GLRA3: variants seen among roughly 807,000 people sequenced by gnomAD.
GLRA3 encodes glycine receptor subunit alpha-3.
Under a neutral mutation model 60.4 loss-of-function variants are expected in GLRA3, and 44 were observed. The observed-to-expected ratio is 0.73, with a 90% confidence interval of 0.57 to 0.94. The LOEUF is 0.94. Ranked by LOEUF, GLRA3 falls within the 40% of genes least tolerant of loss-of-function variation. The pLI is 0.00. For missense variants in GLRA3, 508 were observed against 564.6 expected, an observed-to-expected ratio of 0.90 and a Z score of 1.02; for synonymous variants, 223 against 192.9, an observed-to-expected ratio of 1.16 and a Z score of -1.29.
At chr4:174,648,125 T>C (rs72996776) in intron 9 of GLRA3, among the ~76,000 whole-genome samples, 5,039 of 152,256 alleles carry the variant, frequency 0.033, 282 homozygotes, top group African/African-American at 0.11. Flanking sequence ...AGGTGTAATG[T>C]CAATGACTCT....
chr4:174,808,726 T>G (rs565893235), intron 1 of GLRA3, among the ~76,000 whole-genome samples: 2 of 152,092 alleles, frequency 1.3e-5, no homozygotes, highest in Non-Finnish European at 2.9e-5. Context: ...ATAGTGATAA[T>G]CCTGATTCTC....
chr4:174,753,260 A>T (rs1269478689), intron 3 of GLRA3, among the ~76,000 whole-genome samples: 2 of 152,142 alleles, frequency 1.3e-5, no homozygotes, highest in African/African-American at 4.8e-5. Context: ...TTTTGTGGGT[A>T]ACCTGGAAGT....
intron 5 of GLRA3, among the ~76,000 whole-genome samples, chr4:174,714,675 T>C (rs920885437): frequency 1.3e-5 from 2 of 152,210 alleles, no homozygotes; most frequent in Non-Finnish European, 2.9e-5. Context: ...CCTCAAGGAA[T>C]GTGTCAAACA....
chr4:174,770,840 C>T (rs768430565), intron 2 of GLRA3, among the ~76,000 whole-genome samples: 8 of 151,854 alleles, frequency 5.3e-5, no homozygotes, highest in Non-Finnish European at 8.8e-5. Flanking sequence ...GAGGAGTAAA[C>T]TTAGTTTACT....
At chr4:174,763,216 C>A (rs1350115218) in intron 3 of GLRA3, among the ~76,000 whole-genome samples, 13 of 152,140 alleles carry the variant, frequency 8.5e-5, no homozygotes, top group Non-Finnish European at 1.8e-4. Context: ...TCTGGCAAGC[C>A]AGGCTGCAGA....
intron 3 of GLRA3, among the ~76,000 whole-genome samples, chr4:174,756,641 T>A (rs1269484495): frequency 5.1e-5 from 1 of 19,632 alleles, no homozygotes; most frequent in Non-Finnish European, 2.8e-4. Flanking sequence ...AATGCCATTC[T>A]TTTTTTTCTT....
intron 7 of GLRA3, among the ~76,000 whole-genome samples, chr4:174,666,449 T>C (rs1733665183): frequency 6.6e-6 from 1 of 152,020 alleles, no homozygotes; most frequent in African/African-American, 2.4e-5. Flanking sequence ...GTAGTAAATA[T>C]ACTAAAGTTG....
At chr4:174,684,411 G>A (rs754108854) in intron 5 of GLRA3, among the ~76,000 whole-genome samples, 1 of 152,072 alleles carries the variant, frequency 6.6e-6, no homozygotes, top group Non-Finnish European at 1.5e-5. Flanking sequence ...ATAATATCAG[G>A]GAATTCAGGA....
intron 7 of GLRA3, among the ~76,000 whole-genome samples, chr4:174,662,653 T>G (rs1480437699): frequency 6.6e-6 from 1 of 152,086 alleles, no homozygotes; most frequent in African/African-American, 2.4e-5. Flanking sequence ...GGGGGAAAGT[T>G]AGGGTGGCAG....
rs531801418 is a variant in GLRA3, at chr4:174,718,998, T to C, written c.492-3428A>G. On this transcript the variant is annotated intron_variant, in intron 4 of 9. Transcript: ENST00000274093. ...TTTTTTTTTTGAGACGGAGTCTCGC[T>C]GTCGCCCAGGCTGGAGTGCAGTGGC... Among the ~76,000 whole-genome samples, 4 of 128,834 alleles carry C rather than the reference T, an allele frequency of 3.1e-5. No homozygotes were observed. In the South Asian group the frequency reaches 7.9e-4, roughly 26 times the overall value. 84.5% of individuals were successfully genotyped at this position (128,834 alleles called of 152,430 possible). A position where few individuals can be genotyped will look rare whatever the true frequency, so the allele number is the denominator to read the frequency against.
At chr4:174,763,428 C>A (rs1738012107) in intron 3 of GLRA3, among the ~76,000 whole-genome samples, 1 of 152,198 alleles carries the variant, frequency 6.6e-6, no homozygotes, top group Non-Finnish European at 1.5e-5. Context: ...CAAAACTTTT[C>A]TCTTAACCAA....
At chr4:174,736,193 G>C (rs933841083) in intron 3 of GLRA3, among the ~76,000 whole-genome samples, 10 of 151,840 alleles carry the variant, frequency 6.6e-5, no homozygotes, top group Admixed American at 6.6e-4. Context: ...GATATAAACT[G>C]TATTCTATTT....
chr4:174,708,803 C>T (rs1735607111), intron 5 of GLRA3, among the ~76,000 whole-genome samples: 3 of 142,840 alleles, frequency 2.1e-5, no homozygotes, highest in South Asian at 2.2e-4. Context: ...TAAAAAAATC[C>T]TTCCTGGCTT....
At chr4:174,724,645 T>G (rs1736251715) in intron 4 of GLRA3, among the ~76,000 whole-genome samples, 1 of 152,160 alleles carries the variant, frequency 6.6e-6, no homozygotes, top group African/African-American at 2.4e-5. Flanking sequence ...ATTCGTATGC[T>G]TCTTCTTTTA....
chr4:174,755,267 G>T (rs1029833729), intron 3 of GLRA3, among the ~76,000 whole-genome samples: 1 of 152,104 alleles, frequency 6.6e-6, no homozygotes, highest in Non-Finnish European at 1.5e-5. Context: ...GCTACTTTAT[G>T]CTGAGCATGT....
intron 9 of GLRA3, among the ~76,000 whole-genome samples, chr4:174,651,903 G>C (rs1464756717): frequency 6.6e-6 from 1 of 152,090 alleles, no homozygotes; most frequent in East Asian, 1.9e-4. Flanking sequence ...TTCAGAAACA[G>C]GATCTCAACT....
At chr4:174,792,812 A>G (rs1739409823) in intron 1 of GLRA3, among the ~76,000 whole-genome samples, 2 of 152,174 alleles carry the variant, frequency 1.3e-5, no homozygotes, top group Admixed American at 1.3e-4. Flanking sequence ...AAACCTGCAG[A>G]CAAGTTAAAT....
chr4:174,739,635 A>T (rs1169448547), intron 3 of GLRA3, among the ~76,000 whole-genome samples: 1 of 152,216 alleles, frequency 6.6e-6, no homozygotes, highest in African/African-American at 2.4e-5. Context: ...AGAGAATTAG[A>T]CTAGTAGAAG....
chr4:174,814,679 T>G (rs936283610), intron 1 of GLRA3, among the ~76,000 whole-genome samples: 1 of 152,178 alleles, frequency 6.6e-6, no homozygotes, highest in Non-Finnish European at 1.5e-5. Context: ...GAGAGAGAGC[T>G]TGTGCAGGGA....
Sources: gnomAD v4.1 joint callset for allele counts (sites outside exome capture counted in the v4.1 genomes callset) on GRCh38, gnomAD v4.1.1 for gene constraint, MANE v1.5 for transcripts, NCBI Gene and HGNC (gene_info 2026-07-23, HGNC 2026-07-21) for gene names.